The following NUAK1 variants were observed in gnomAD, a reference collection of about 807,000 sequenced individuals.
The protein encoded by NUAK1 is NUAK family SNF1-like kinase 1.
NUAK1 carries 26 observed loss-of-function variants against 56.9 expected under a neutral mutation model. That is an observed-to-expected ratio of 0.46 (90% CI 0.33 to 0.63). The LOEUF (loss-of-function observed/expected upper bound fraction) is 0.63, where lower values mean the gene tolerates loss of function less well. Among genes scored for constraint, NUAK1 ranks in the 30% least tolerant of loss-of-function variants. The pLI, the probability that NUAK1 is intolerant of heterozygous loss-of-function variation, is 0.02. For missense variants in NUAK1, 727 were observed against 876.1 expected (o/e 0.83, Z 2.15); for synonymous variants, 337 against 336.0 (o/e 1.00, Z -0.03).
rs201398355 is a variant in NUAK1 at position 106,070,942 on chromosome 12, G to A, written c.700-36C>T. The A allele has an allele frequency of 6.8e-6, 11 of 1,612,464 alleles. No homozygotes were observed. In the Admixed American group the frequency reaches 1.8e-4, roughly 27 times the overall value. Reference sequence around the variant, plus strand: ...GAGACAGCACATATAGGAGAGCTGGGAAACAGATCCCAAGATGCCTTCCAA... The same window carrying A: ...GAGACAGCACATATAGGAGAGCTGGAAAACAGATCCCAAGATGCCTTCCAA... On this transcript the variant is annotated intron_variant, in intron 5 of 6. Coordinates refer to ENST00000261402, the MANE Select transcript of NUAK1 (RefSeq NM_014840.3).
chr12:106,115,702 C>T (rs2032909853), intron 1 of NUAK1, among the ~76,000 whole-genome samples: 1 of 152,238 alleles, frequency 6.6e-6, no homozygotes, highest in African/African-American at 2.4e-5. Flanking sequence ...ATTGCAAATG[C>T]ACAGCCCCAA....
chr12:106,106,256 A>G, intron 2 of NUAK1, 149 bp downstream of exon 2: 1 of 644,630 alleles, frequency 1.6e-6, no homozygotes, highest in Non-Finnish European at 2.6e-6. Context: ...AAGGTAACCA[A>G]GTAAGAGATA....
At chr12:106,081,258 C>T (rs2032515382) in intron 4 of NUAK1, among the ~76,000 whole-genome samples, 1 of 151,698 alleles carries the variant, frequency 6.6e-6, no homozygotes, top group African/African-American at 2.4e-5. Flanking sequence ...ATCCTCTAGA[C>T]TTTCTGGGTC....
intron 4 of NUAK1, among the ~76,000 whole-genome samples, chr12:106,073,324 C>A (rs2032425240): frequency 6.6e-6 from 1 of 152,152 alleles, no homozygotes; most frequent in African/African-American, 2.4e-5. Flanking sequence ...ACTGGTGATA[C>A]CACCTCTGTA....
intron 2 of NUAK1, among the ~76,000 whole-genome samples, chr12:106,092,824 C>T (rs777352071): frequency 1.2e-4 from 18 of 152,148 alleles, no homozygotes; most frequent in Non-Finnish European, 2.2e-4. Flanking sequence ...CGCATGTTCT[C>T]GCCATGACTC....
At chr12:106,129,943 C>T (rs576658595) in intron 1 of NUAK1, among the ~76,000 whole-genome samples, 1 of 152,172 alleles carries the variant, frequency 6.6e-6, no homozygotes, top group East Asian at 1.9e-4. Flanking sequence ...CTGTCTGATT[C>T]GACAGCTGGG....
At chr12:106,070,544 A>G (rs1214708870) in intron 6 of NUAK1, among the ~76,000 whole-genome samples, 1 of 152,198 alleles carries the variant, frequency 6.6e-6, no homozygotes, top group Non-Finnish European at 1.5e-5. Context: ...CAGATCCACA[A>G]AGCAAGCAAA....
chr12:106,110,035 T>C (rs1395738440), intron 1 of NUAK1, among the ~76,000 whole-genome samples: 3 of 152,190 alleles, frequency 2.0e-5, no homozygotes, highest in Non-Finnish European at 2.9e-5. Context: ...ATCCTGGGTC[T>C]TTACATTGCA....
intron 3 of NUAK1, 46 bp downstream of exon 3, chr12:106,086,688 A>AT: frequency 6.3e-7 from 1 of 1,575,624 alleles, no homozygotes; most frequent in Non-Finnish European, 8.7e-7. Context: ...ATGCAGTGCC[A>AT]TAAAAACCAT....
Position 106,077,137 on chromosome 12 carries a change from T to C in NUAK1, c.580-4294A>G, listed in dbSNP as rs139415327. On this transcript the variant is annotated intron_variant, in intron 4 of 6. Coordinates refer to ENST00000261402, the MANE Select transcript of NUAK1 (RefSeq NM_014840.3). The stretch of plus-strand genomic sequence containing the variant: ...TGCTGATGGCAATGATAATAATTAG[T>C]GATGGTCTAACAGTCATCTGCAGTG... Among the ~76,000 whole-genome samples, 8 of 152,330 alleles carry C rather than the reference T, an allele frequency of 5.3e-5. No individual in the cohort carries two copies. The East Asian group carries it at 1.5e-3, about 29-fold the overall frequency.
intron 6 of NUAK1, among the ~76,000 whole-genome samples, chr12:106,069,637 AC>A (rs1252117429): frequency 6.6e-6 from 1 of 152,240 alleles, no homozygotes; most frequent in Non-Finnish European, 1.5e-5. Context: ...CAATCAGTTA[AC>A]AAAAATATTG....
At position 106,067,163 on chromosome 12, in the gene NUAK1, C is replaced by T. The variant is rs946121044; in HGVS notation, c.1625G>A (p.Ser542Asn). 3 of 1,614,060 alleles carry T rather than the reference C, an allele frequency of 1.9e-6. No homozygotes were observed. The highest frequency in any genetic ancestry group is 2.7e-5 in the African/African-American group (2 of 74,920). ...SAGTMDPALV[S>N]PEMPTLESLS... ...GGATTCCAGTGTGGGCATTTCAGGGCTGACCAGGGCTGGGTCCATGGTGCC... is the reference window on the plus strand; with the variant it reads ...GGATTCCAGTGTGGGCATTTCAGGGTTGACCAGGGCTGGGTCCATGGTGCC... Residue 542 changes from serine to asparagine, a missense_variant, in exon 7 of 7, where the codon AGC becomes AAC. By Grantham distance (46) the Ser-to-Asn change is conservative (BLOSUM62 1). Coordinates refer to ENST00000261402, the MANE Select transcript of NUAK1 (RefSeq NM_014840.3). The surrounding 1 kb of genome is among the most constrained non-coding windows in gnomAD (Gnocchi z 6.0).
At position 106,138,524 on chromosome 12, in the gene NUAK1, G is replaced by T. The variant is rs971737691; in HGVS notation, c.130C>A (p.Arg44=). The T allele has an allele frequency of 1.2e-6, 2 of 1,612,982 alleles. No homozygotes were observed. The highest frequency in any genetic ancestry group is 1.7e-6 in the Non-Finnish European group (2 of 1,179,810). ...LEPRKPHGVK[R]HHHKHNLKHR... The stretch of plus-strand genomic sequence containing the variant: ...TTCAAGTTGTGCTTGTGGTGATGCC[G>T]CTTCACCCCGTGCGGCTTCCTGGGC... Residue 44 remains arginine (R), a synonymous_variant, in exon 1 of 7, where the codon CGG becomes AGG. Coordinates refer to ENST00000261402, the MANE Select transcript of NUAK1 (RefSeq NM_014840.3). The surrounding 1 kb of genome is among the most constrained non-coding windows in gnomAD (Gnocchi z 5.0).
intron 2 of NUAK1, among the ~76,000 whole-genome samples, chr12:106,087,657 G>A (rs2032587068): frequency 6.6e-6 from 1 of 152,162 alleles, no homozygotes; most frequent in African/African-American, 2.4e-5. Flanking sequence ...TGTGTGTAAG[G>A]TTTTAAGTAC....
In NUAK1 at chr12:106,137,454, C is replaced by G. The variant is rs117370720; in HGVS notation, c.240+960G>C. On this transcript the variant is annotated intron_variant, in intron 1 of 6. Transcript: ENST00000261402. ...AACCATGTTAATTTTCTGCCACACA[C>G]CACACAAAATCTTTCTGCAACAGTC... is the stretch of plus-strand genomic sequence containing the variant. 1.9e-3 allele frequency among the ~76,000 whole-genome samples: 285 copies of G among 152,340 alleles called. 5 individuals carry two copies. The East Asian group carries it at 0.048, about 26-fold the overall frequency.
intron 4 of NUAK1, among the ~76,000 whole-genome samples, chr12:106,077,230 A>T (rs1003705860): frequency 6.6e-6 from 1 of 152,212 alleles, no homozygotes; most frequent in Admixed American, 6.5e-5. Flanking sequence ...GGGGCTAATC[A>T]TGGCTTTGTC....
At chr12:106,121,395 G>T (rs1290328257) in intron 1 of NUAK1, among the ~76,000 whole-genome samples, 2 of 152,170 alleles carry the variant, frequency 1.3e-5, no homozygotes, top group African/African-American at 4.8e-5. Context: ...TCTCCCACGT[G>T]GGTCAGGAGT....
At chr12:106,086,918 C>G in intron 2 of NUAK1, 33 bp from the exon 3 acceptor site, 1 of 1,595,780 alleles carries the variant, frequency 6.3e-7, no homozygotes, top group Non-Finnish European at 8.6e-7. Flanking sequence ...CACAAACACC[C>G]CGTTTAGCCA....
chr12:106,117,535 C>T (rs991941460), intron 1 of NUAK1, among the ~76,000 whole-genome samples: 2 of 152,228 alleles, frequency 1.3e-5, no homozygotes, highest in Non-Finnish European at 2.9e-5. Flanking sequence ...AATGGGCCTA[C>T]TTCACTTGAC....
Sources: allele counts gnomAD v4.1 joint callset (sites outside exome capture counted in the v4.1 genomes callset), GRCh38; gene constraint gnomAD v4.1.1; non-coding constraint Gnocchi (gnomAD v3.1); transcripts MANE v1.5; gene names NCBI Gene and HGNC (gene_info 2026-07-23, HGNC 2026-07-21).